LRRC56: variants seen among roughly 807,000 people sequenced by gnomAD.
LRRC56 encodes the protein leucine-rich repeat-containing protein 56.
Under a neutral mutation model 47.8 loss-of-function variants are expected in LRRC56, and 41 were observed. The observed-to-expected ratio is 0.86, with a 90% confidence interval of 0.67 to 1.11. The LOEUF is 1.11. Among genes scored for constraint, LRRC56 ranks in the 50% most tolerant of loss-of-function variants. The pLI is 0.00. For missense variants in LRRC56, 759 were observed against 704.2 expected (o/e 1.08, Z -0.88); for synonymous variants, 387 against 311.2 (o/e 1.24, Z -2.56).
In LRRC56 at chr11:552,612, G is replaced by A. The variant is rs1276267794; in HGVS notation, c.1225G>A (p.Val409Ile). The change falls in exon 13 of 14, where the codon GTA (valine) becomes ATA (isoleucine). Residue 409 changes from valine (V) to isoleucine (I), a missense_variant. Coordinates refer to ENST00000270115, the MANE Select transcript of LRRC56 (RefSeq NM_198075.4). The stretch of plus-strand genomic sequence containing the variant: ...CCCGGAGTCCCAACAGGAAGGGGCT[G>A]TAGCCCCCTGGGGCCCACGGAGGGT... Reference protein sequence around the residue: ...RHPESQQEGAVAPWGPRRVPE... With the variant: ...RHPESQQEGAIAPWGPRRVPE... The A allele has an allele frequency of 1.9e-6, 3 of 1,609,044 alleles. No homozygotes were observed. Among genetic ancestry groups the A allele is most frequent in the South Asian group, 1.1e-5 (1 of 90,794 alleles).
At position 541,299 on chromosome 11, in the gene LRRC56, G is replaced by A. The variant is rs1448629119; in HGVS notation, c.178-238G>A. Among the ~76,000 whole-genome samples, 1 of 152,192 alleles carries A rather than the reference G, an allele frequency of 6.6e-6. No homozygotes were observed. The highest frequency in any genetic ancestry group is 2.4e-5 in the African/African-American group (1 of 41,448). On this transcript the variant is annotated intron_variant, in intron 4 of 13. Transcript: ENST00000270115. The surrounding 1 kb of genome is among the most constrained non-coding windows in gnomAD (Gnocchi z 4.1). ...CTGCCCTGGGAGTCTCTCTGGAGAC[G>A]GGCAGCCCCCAGGGCAGGTCCTTCT...
chr11:553,135 A>T (rs780250380), intron 13 of LRRC56, among the ~76,000 whole-genome samples: 14 of 152,132 alleles, frequency 9.2e-5, no homozygotes, highest in Non-Finnish European at 1.8e-4. Flanking sequence ...CCAAGGCAGG[A>T]GGGTGCTGCC....
the LRRC56 span, among the ~76,000 whole-genome samples, chr11:523,243 G>A: frequency 6.6e-6 from 1 of 151,308 alleles, no homozygotes; most frequent in South Asian, 2.1e-4. Flanking sequence ...TGGTCATGCT[G>A]GTCTCGAACT....
upstream of LRRC56, among the ~76,000 whole-genome samples, chr11:535,920 C>T (rs906251324): frequency 1.3e-5 from 2 of 152,160 alleles, no homozygotes; most frequent in African/African-American, 4.8e-5. Context: ...CAGAGGCCCT[C>T]CCTGCGCCGG....
At chr11:544,195 T>C (rs1037951841) in intron 5 of LRRC56, among the ~76,000 whole-genome samples, 2 of 152,138 alleles carry the variant, frequency 1.3e-5, no homozygotes, top group African/African-American at 4.8e-5. Flanking sequence ...GATCTGGTCC[T>C]GTGTTGTGTG....
In LRRC56 at chr11:554,631, G is replaced by A; in HGVS notation, c.*355G>A. The A allele has an allele frequency of 2.5e-6, 1 of 405,260 alleles. No individual in the cohort carries two copies. Among genetic ancestry groups the A allele is most frequent in the Non-Finnish European group, 4.4e-6 (1 of 226,790 alleles). 25.1% of individuals were successfully genotyped at this position (405,260 alleles called of 1,614,324 possible). On this transcript the variant is annotated 3_prime_UTR_variant, in exon 14 of 14. Transcript: ENST00000270115. Reference sequence around the variant, plus strand: ...TGGGCATGGCCGAGGGGCAGGGGCTGGAGCTGCGAGTCCACCACTCCCTTG... The same window carrying A: ...TGGGCATGGCCGAGGGGCAGGGGCTAGAGCTGCGAGTCCACCACTCCCTTG...
the LRRC56 span, chr11:528,746 C>T: frequency 6.6e-6 from 1 of 152,204 alleles, no homozygotes; most frequent in African/African-American, 2.4e-5. Context: ...CACACACACG[C>T]ACACGTTCAC....
At chr11:531,072 G>A in the LRRC56 span, among the ~76,000 whole-genome samples, 608 of 123,460 alleles carry the variant, frequency 4.9e-3, 1 homozygote, top group Middle Eastern at 9.7e-3. Flanking sequence ...CGAGTGTGGC[G>A]TCCCCTGGAG....
At chr11:515,761 C>G in the LRRC56 span, among the ~76,000 whole-genome samples, 78 of 152,266 alleles carry the variant, frequency 5.1e-4, no homozygotes, top group African/African-American at 1.7e-3. Flanking sequence ...TCACTTGAAC[C>G]TGGGAGACAG....
At chr11:510,770 G>C in the LRRC56 span, among the ~76,000 whole-genome samples, 1 of 151,176 alleles carries the variant, frequency 6.6e-6, no homozygotes, top group East Asian at 2.0e-4. Flanking sequence ...TGAGCTGGGC[G>C]TGGTGGCCTG....
chr11:546,260 G>A (rs897301057), intron 6 of LRRC56, among the ~76,000 whole-genome samples: 1 of 150,786 alleles, frequency 6.6e-6, no homozygotes, highest in Non-Finnish European at 1.5e-5. Flanking sequence ...GCAACAGAGC[G>A]AAACTCTGCC....
the LRRC56 span, among the ~76,000 whole-genome samples, chr11:521,028 T>A: frequency 6.6e-6 from 1 of 152,304 alleles, no homozygotes; most frequent in African/African-American, 2.4e-5. Flanking sequence ...TTGTCTGACT[T>A]TATGCAAACA....
chr11:529,469 G>C, the LRRC56 span: 2 of 152,266 alleles, frequency 1.3e-5, no homozygotes, highest in African/African-American at 4.8e-5. Context: ...GCCAGACACG[G>C]AGCCCTCTGT....
chr11:512,522 G>A, the LRRC56 span, among the ~76,000 whole-genome samples: 1 of 152,122 alleles, frequency 6.6e-6, no homozygotes, highest in Non-Finnish European at 1.5e-5. Context: ...CTGAGCCACC[G>A]CGCCTGGCAA....
chr11:517,172 C>T, the LRRC56 span, among the ~76,000 whole-genome samples: 5 of 152,254 alleles, frequency 3.3e-5, no homozygotes, highest in South Asian at 2.1e-4. Context: ...AAGGCTGGAG[C>T]GCAGTGGCGT....
At chr11:520,925 T>C in the LRRC56 span, among the ~76,000 whole-genome samples, 1 of 152,170 alleles carries the variant, frequency 6.6e-6, no homozygotes, top group African/African-American at 2.4e-5. Context: ...GGGTGGGAAT[T>C]GTCCATATTG....
rs984235635 is a variant in LRRC56 at position 554,824 on chromosome 11, G to A, written c.*548G>A. 1.0e-5 allele frequency: 6 copies of A among 584,060 alleles called. No individual in the cohort carries two copies. The highest frequency in any genetic ancestry group is 4.1e-5 in the African/African-American group (2 of 48,452). The allele number at this position is 584,060 out of a possible 1,614,324, so 36.2% of individuals were successfully genotyped here. On this transcript the variant is annotated 3_prime_UTR_variant, in exon 14 of 14. Coordinates refer to ENST00000270115, the MANE Select transcript of LRRC56 (RefSeq NM_198075.4). ...CCCTCCTCTTGGCGCAGGACGCCCC[G>A]GAACCCAAACCAACATTTCCAGCTC...
At chr11:523,567 GT>G in the LRRC56 span, among the ~76,000 whole-genome samples, 1 of 150,866 alleles carries the variant, frequency 6.6e-6, no homozygotes, top group South Asian at 2.1e-4. Flanking sequence ...GGAGGTGGAG[GT>G]TGCAATGACC....
In LRRC56 at chr11:554,562, G is replaced by A. The variant is rs117214614; in HGVS notation, c.*286G>A. The A allele has an allele frequency of 0.019, 8,102 of 415,978 alleles. 108 individuals are homozygous for A. Among genetic ancestry groups the A allele is most frequent in the Non-Finnish European group, 0.025 (5,950 of 235,052 alleles). 25.8% of individuals were successfully genotyped at this position (415,978 alleles called of 1,614,324 possible). A position where few individuals can be genotyped will look rare whatever the true frequency, so the allele number is the denominator to read the frequency against. On this transcript the variant is annotated 3_prime_UTR_variant, in exon 14 of 14. Transcript: ENST00000270115. ...TTTCCCGCGGGCACGGGGGTGGGGGGTGGTCACCCGAGCAGGCCTGTGAGA... is the reference window on the plus strand; with the variant it reads ...TTTCCCGCGGGCACGGGGGTGGGGGATGGTCACCCGAGCAGGCCTGTGAGA...
Sources: allele counts gnomAD v4.1 joint callset (sites outside exome capture counted in the v4.1 genomes callset), GRCh38; gene constraint gnomAD v4.1.1; non-coding constraint Gnocchi (gnomAD v3.1); transcripts MANE v1.5; gene names NCBI Gene and HGNC (gene_info 2026-07-23, HGNC 2026-07-21).